IL1RAPL2: variants seen among roughly 807,000 people sequenced by gnomAD.
IL1RAPL2 encodes the protein interleukin 1 receptor accessory protein like 2, also known as X-linked interleukin-1 receptor accessory protein-like 2.
A neutral mutation model predicts 44.1 loss-of-function variants in IL1RAPL2; 3 were observed. That is an observed-to-expected ratio of 0.07 (90% CI 0.03 to 0.18). The LOEUF is 0.18. Ranked by LOEUF, IL1RAPL2 falls within the 10% of genes least tolerant of loss-of-function variation. The pLI is 1.00. For synonymous variants in IL1RAPL2, 181 were observed against 178.8 expected, an observed-to-expected ratio of 1.01 and a Z score of -0.10; for missense variants, 391 against 496.4, an observed-to-expected ratio of 0.79 and a Z score of 2.02.
intron 2 of IL1RAPL2, among the ~76,000 whole-genome samples, chrX:105,076,627 A>G (rs905423633): frequency 9.0e-6 from 1 of 111,000 alleles, no homozygotes; most frequent in African/African-American, 3.3e-5. Flanking sequence ...TGATCTGTCT[A>G]ATGTTGACAG....
chrX:105,356,393 G>T (rs1045229193), intron 5 of IL1RAPL2, among the ~76,000 whole-genome samples: 3 of 111,500 alleles, frequency 2.7e-5, no homozygotes, highest in Non-Finnish European at 5.6e-5. Context: ...ATCAGTCATA[G>T]ATAGTTCATA....
chrX:105,565,412 C>T (rs1289489498), intron 6 of IL1RAPL2, among the ~76,000 whole-genome samples: 2 of 111,249 alleles, frequency 1.8e-5, no homozygotes, highest in Non-Finnish European at 3.8e-5. Flanking sequence ...CCAATAAATT[C>T]TATTCTACCA....
intron 5 of IL1RAPL2, chrX:105,406,040 G>C: frequency 8.3e-7 from 1 of 1,204,598 alleles, no homozygotes; most frequent in Admixed American, 2.2e-5. Flanking sequence ...ATGTTGGAGG[G>C]CGGTACTTTA....
At chrX:104,940,507 C>G in intron 2 of IL1RAPL2, among the ~76,000 whole-genome samples, 1 of 111,204 alleles carries the variant, frequency 9.0e-6, no homozygotes, top group Non-Finnish European at 1.9e-5. Context: ...CTAGAAGATA[C>G]TTGGGAGAAG....
intron 2 of IL1RAPL2, among the ~76,000 whole-genome samples, chrX:104,737,007 A>G (rs1932024243): frequency 1.8e-5 from 2 of 112,626 alleles, no homozygotes; most frequent in Non-Finnish European, 1.9e-5. Context: ...GCAATGGTAC[A>G]GGCATAGCAG....
At chrX:104,788,015 C>G (rs1205343774) in intron 2 of IL1RAPL2, among the ~76,000 whole-genome samples, 1 of 111,216 alleles carries the variant, frequency 9.0e-6, no homozygotes, top group Non-Finnish European at 1.9e-5. Context: ...CATCTTGGAA[C>G]TGACCAGAAA....
intron 5 of IL1RAPL2, among the ~76,000 whole-genome samples, chrX:105,447,516 TATAAATATAAAC>T (rs1195908376): frequency 1.3e-5 from 1 of 75,204 alleles, no homozygotes; most frequent in Non-Finnish European, 2.2e-5. Context: ...TTTATATAAA[TATAAATATAAAC>T]ATAAATATCA....
intron 2 of IL1RAPL2, among the ~76,000 whole-genome samples, chrX:104,922,436 G>T (rs770814396): frequency 1.7e-4 from 19 of 112,678 alleles, no homozygotes; most frequent in Non-Finnish European, 3.2e-4. Context: ...TGGGAAATGA[G>T]ATAAGCTTCC....
At chrX:105,344,009 C>T (rs777693432) in intron 5 of IL1RAPL2, among the ~76,000 whole-genome samples, 11 of 110,705 alleles carry the variant, frequency 9.9e-5, no homozygotes, top group Non-Finnish European at 1.9e-4. Context: ...ATTCCCCTGC[C>T]TCAGCCCCCT....
At chrX:104,592,287 A>G (rs1029177268) in intron 1 of IL1RAPL2, among the ~76,000 whole-genome samples, 1 of 108,410 alleles carries the variant, frequency 9.2e-6, no homozygotes, top group Non-Finnish European at 1.9e-5. Context: ...TAGTAGATAC[A>G]CACAAACACG....
At chrX:105,034,908 C>T (rs1160294003) in intron 2 of IL1RAPL2, among the ~76,000 whole-genome samples, 1 of 98,716 alleles carries the variant, frequency 1.0e-5, no homozygotes, top group African/African-American at 3.7e-5. Flanking sequence ...AGCTTCCCAG[C>T]TGCTTTGTTT....
intron 6 of IL1RAPL2, among the ~76,000 whole-genome samples, chrX:105,489,787 T>TTCTCTCTCTCTATCTCTCTC (rs2036300090): frequency 1.4e-5 from 1 of 73,373 alleles, no homozygotes; most frequent in East Asian, 4.4e-4. Context: ...CTTTCTCTCT[T>TTCTCTCTCTCTATCTCTCTC]TCTCTCTCTC....
rs957400044 is a variant in IL1RAPL2 at position 104,597,868 on chromosome X, A to G, written c.-20+30817A>G. On this transcript the variant is annotated intron_variant, in intron 1 of 10. Coordinates refer to ENST00000372582, the MANE Select transcript of IL1RAPL2 (RefSeq NM_017416.2). ...TGGATAAGCTGAGTTTTAAGTACCT[A>G]TTGAACATCAAATGAGAAATGCATG... Among the ~76,000 whole-genome samples the G allele has an allele frequency of 6.2e-5, 7 of 112,029 alleles. No individual in the cohort carries two copies. The Admixed American group carries it at 6.6e-4, about 11-fold the overall frequency.
intron 6 of IL1RAPL2, among the ~76,000 whole-genome samples, chrX:105,590,813 T>TGTG (rs2037163294): frequency 1.0e-5 from 1 of 97,197 alleles, no homozygotes; most frequent in African/African-American, 3.9e-5. Flanking sequence ...TGGCCTGAAT[T>TGTG]TGTGTGTGTG....
intron 3 of IL1RAPL2, among the ~76,000 whole-genome samples, chrX:105,227,623 T>C (rs1556191099): frequency 8.9e-6 from 1 of 111,890 alleles, no homozygotes; most frequent in Non-Finnish European, 1.9e-5. Context: ...CAGGTGCCCA[T>C]TAAATGTCAT....
At chrX:105,201,851 C>T (rs2033720088) in intron 3 of IL1RAPL2, among the ~76,000 whole-genome samples, 1 of 111,691 alleles carries the variant, frequency 9.0e-6, no homozygotes, top group Non-Finnish European at 1.9e-5. Context: ...AAGCCTGGAT[C>T]TTATAGAATT....
chrX:105,243,400 A>G (rs1196750043), intron 4 of IL1RAPL2, among the ~76,000 whole-genome samples: 1 of 109,014 alleles, frequency 9.2e-6, no homozygotes, highest in Non-Finnish European at 1.9e-5. Context: ...GCCATCCAGA[A>G]CTGTGAATCA....
intron 2 of IL1RAPL2, among the ~76,000 whole-genome samples, chrX:105,056,441 A>T (rs1290975071): frequency 1.8e-5 from 2 of 111,907 alleles, no homozygotes; most frequent in African/African-American, 3.2e-5. Context: ...ATACCTCTGA[A>T]CTGGTTTAAA....
intron 2 of IL1RAPL2, among the ~76,000 whole-genome samples, chrX:104,679,502 T>C (rs1930853997): frequency 8.9e-6 from 1 of 112,108 alleles, no homozygotes; most frequent in African/African-American, 3.2e-5. Flanking sequence ...AACAGTTCCG[T>C]TTCCTGGGTA....
Sources: allele counts gnomAD v4.1 joint callset (sites outside exome capture counted in the v4.1 genomes callset), GRCh38; gene constraint gnomAD v4.1.1; transcripts MANE v1.5; gene names NCBI Gene and HGNC (gene_info 2026-07-23, HGNC 2026-07-21).